The following RIC8B variants were observed in gnomAD, a reference collection of about 807,000 sequenced individuals.
The protein encoded by RIC8B is chaperone Ric-8B.
Under a neutral mutation model 57.5 loss-of-function variants are expected in RIC8B, and 16 were observed. The ratio of observed to expected loss-of-function variants is 0.28; its 90% CI spans 0.19 to 0.42. The LOEUF is 0.42. Among genes scored for constraint, RIC8B ranks in the 10% least tolerant of loss-of-function variants. The probability of loss-of-function intolerance (pLI) is 1.00; values close to 1 mark genes in which losing one functional copy is unlikely to be tolerated. For missense variants in RIC8B, 481 were observed against 677.0 expected, an observed-to-expected ratio of 0.71 and a Z score of 3.21; for synonymous variants, 216 against 250.8, an observed-to-expected ratio of 0.86 and a Z score of 1.31.
intron 9 of RIC8B, chr12:106,873,285 C>A: frequency 1.7e-6 from 1 of 590,380 alleles, no homozygotes; most frequent in Non-Finnish European, 2.1e-6. Context: ...GAGAATAGTT[C>A]AAATCATACA....
chr12:106,781,551 A>T (rs1190899676), intron 1 of RIC8B, among the ~76,000 whole-genome samples: 5 of 152,180 alleles, frequency 3.3e-5, no homozygotes, highest in African/African-American at 1.2e-4. Context: ...TCCAGATTCA[A>T]TTTGTAGTGC....
chr12:106,795,869 A>G (rs1000436038), intron 2 of RIC8B, among the ~76,000 whole-genome samples: 2 of 152,170 alleles, frequency 1.3e-5, no homozygotes, highest in African/African-American at 2.4e-5. Flanking sequence ...ATGTTTCTGT[A>G]TCTCACTGGA....
At chr12:106,870,698 T>C (rs1232394005) in intron 8 of RIC8B, 125 bp from the exon 9 acceptor site, 2 of 651,344 alleles carry the variant, frequency 3.1e-6, no homozygotes, top group Non-Finnish European at 4.7e-6. Flanking sequence ...TACCATAAAA[T>C]TGAAATTATT....
chr12:106,847,349 A>G (rs1002866251), intron 6 of RIC8B, among the ~76,000 whole-genome samples: 1 of 152,228 alleles, frequency 6.6e-6, no homozygotes, highest in Non-Finnish European at 1.5e-5. Context: ...CAAAATTTTT[A>G]CATGATAACC....
At chr12:106,837,634 C>CTTTTTTTT (rs1298629651) in intron 4 of RIC8B, among the ~76,000 whole-genome samples, 1 of 122,164 alleles carries the variant, frequency 8.2e-6, no homozygotes, top group South Asian at 2.6e-4. Context: ...ATCTGAAAAT[C>CTTTTTTTT]TTTTGTTTTT....
rs2045524895 is a variant in RIC8B, at chr12:106,815,296, C to T, written c.733C>T (p.His245Tyr). The T allele has an allele frequency of 6.2e-7, 1 of 1,608,974 alleles. No homozygotes were observed. The highest frequency in any genetic ancestry group is 1.3e-5 in the African/African-American group (1 of 74,658). Reference protein sequence around the residue: ...FNVTVDSWKVHKESDSHQFRV... With the variant: ...FNVTVDSWKVYKESDSHQFRV... Reference sequence around the variant, plus strand: ...TGTGACGGTAGACAGTTGGAAGGTGCATAAAGAGGTAAGGTAGAGAAGGCT... The same window carrying T: ...TGTGACGGTAGACAGTTGGAAGGTGTATAAAGAGGTAAGGTAGAGAAGGCT... Residue 245 changes from histidine to tyrosine, a missense_variant, in exon 3 of 10, where the codon CAT becomes TAT. By Grantham distance (83) the His-to-Tyr change is moderately conservative. Coordinates refer to ENST00000392837, the MANE Select transcript of RIC8B (RefSeq NM_001330145.2).
intron 2 of RIC8B, among the ~76,000 whole-genome samples, chr12:106,807,471 T>C (rs553652046): frequency 1.3e-5 from 2 of 152,302 alleles, no homozygotes; most frequent in Admixed American, 1.3e-4. Context: ...CACTTTCAGG[T>C]TTTAGGCTAT....
At chr12:106,774,996 C>CAT in intron 1 of RIC8B, 167 bp downstream of exon 1, 4 of 603,034 alleles carry the variant, frequency 6.6e-6, no homozygotes, top group Non-Finnish European at 1.2e-5. Flanking sequence ...CTTTTCCATC[C>CAT]ATGCATCCTG....
chr12:106,880,017 C>A, intron 9 of RIC8B: 1 of 908,840 alleles, frequency 1.1e-6, no homozygotes, highest in Non-Finnish European at 1.3e-6. Flanking sequence ...ACAGTATCTC[C>A]GTTTTACCAT....
At chr12:106,788,825 C>T (rs1848401174) in intron 2 of RIC8B, among the ~76,000 whole-genome samples, 1 of 152,172 alleles carries the variant, frequency 6.6e-6, no homozygotes, top group South Asian at 2.1e-4. Flanking sequence ...GCATTAAGAC[C>T]TATGACATGC....
chr12:106,797,748 T>C (rs2044547698), intron 2 of RIC8B, among the ~76,000 whole-genome samples: 1 of 152,200 alleles, frequency 6.6e-6, no homozygotes, highest in South Asian at 2.1e-4. Flanking sequence ...TAACATTTAA[T>C]CCTCACAACA....
chr12:106,848,276 TA>T (rs1397077130), intron 6 of RIC8B, among the ~76,000 whole-genome samples: 1 of 152,160 alleles, frequency 6.6e-6, no homozygotes, highest in Admixed American at 6.5e-5. Context: ...TGTGTGTCTG[TA>T]ACAGCATAGG....
At chr12:106,835,762 G>A (rs1235706530) in intron 4 of RIC8B, among the ~76,000 whole-genome samples, 1 of 152,224 alleles carries the variant, frequency 6.6e-6, no homozygotes, top group South Asian at 2.1e-4. Context: ...TTCTAGGCAG[G>A]AGAAAACATG....
chr12:106,824,904 T>C lies in RIC8B; in HGVS notation c.742-822T>C, dbSNP rs188676561. Among the ~76,000 whole-genome samples, 291 of 150,836 alleles carry C rather than the reference T, an allele frequency of 1.9e-3. 3 individuals are homozygous for C. Among genetic ancestry groups the C allele is most frequent in the African/African-American group, 6.7e-3 (275 of 41,198 alleles). On this transcript the variant is annotated intron_variant, in intron 3 of 9. Transcript: ENST00000392837. ...CCTAGGCGACAAGAGCAAAACTCCA[T>C]CTCAAAAAAAAAAAGAAAAAAGTTT...
intron 8 of RIC8B, among the ~76,000 whole-genome samples, chr12:106,862,150 T>C (rs147221769): frequency 6.3e-4 from 96 of 152,196 alleles, no homozygotes; most frequent in African/African-American, 2.0e-3. Context: ...CTTACATCCC[T>C]AATTATAATA....
chr12:106,870,077 CAAAAA>C lies in RIC8B; in HGVS notation c.1452-734_1452-730del, dbSNP rs1011613400. ...AGAGTTATCTTTTATTTCCTGTCCT[CAAAAA>C]AAAAAAAAAAAGTATGGCTTTTCTC... On this transcript the variant is annotated intron_variant, in intron 8 of 9. Coordinates refer to ENST00000392837, the MANE Select transcript of RIC8B (RefSeq NM_001330145.2). Among the ~76,000 whole-genome samples the C allele has an allele frequency of 3.6e-5, 4 of 110,118 alleles. No individual in the cohort carries two copies. In the South Asian group the frequency reaches 8.7e-4, roughly 24 times the overall value. The allele number at this position is 110,118 out of a possible 152,430, so 72.2% of individuals were successfully genotyped here. A position where few individuals can be genotyped will look rare whatever the true frequency, so the allele number is the denominator to read the frequency against.
chr12:106,779,960 C>T (rs759343148), intron 1 of RIC8B, among the ~76,000 whole-genome samples: 3 of 148,662 alleles, frequency 2.0e-5, no homozygotes, highest in Non-Finnish European at 4.5e-5. Flanking sequence ...TTCTGGGCCT[C>T]AGCCTCCCAA....
chr12:106,848,923 G>T (rs1298008985), intron 6 of RIC8B, among the ~76,000 whole-genome samples: 1 of 152,146 alleles, frequency 6.6e-6, no homozygotes, highest in Admixed American at 6.5e-5. Flanking sequence ...GAGATCTGCT[G>T]TACAACATTG....
intron 5 of RIC8B, among the ~76,000 whole-genome samples, 165 bp from the exon 6 acceptor site, chr12:106,843,687 A>C (rs1366511029): frequency 7.3e-5 from 10 of 137,042 alleles, no homozygotes; most frequent in Non-Finnish European, 1.5e-4. Flanking sequence ...GCGCCGCTGC[A>C]CTCCAGCCTG....
Sources: allele counts gnomAD v4.1 joint callset (sites outside exome capture counted in the v4.1 genomes callset), GRCh38; gene constraint gnomAD v4.1.1; transcripts MANE v1.5; gene names NCBI Gene and HGNC (gene_info 2026-07-23, HGNC 2026-07-21).